The following PRH1 variants were observed in gnomAD, a reference collection of about 807,000 sequenced individuals.
PRH1 encodes the protein salivary acidic proline-rich phosphoprotein 1/2.
A neutral mutation model predicts 7.9 loss-of-function variants in PRH1; 7 were observed. The observed-to-expected ratio is 0.89, with a 90% confidence interval of 0.50 to 1.67. The LOEUF (loss-of-function observed/expected upper bound fraction) is 1.67, where lower values mean the gene tolerates loss of function less well. Ranked by LOEUF, PRH1 falls within the 40% of genes most tolerant of loss-of-function variation. The pLI, the probability that PRH1 is intolerant of heterozygous loss-of-function variation, is 0.00. For missense variants in PRH1, 109 were observed against 223.6 expected (o/e 0.49, Z 3.27); for synonymous variants, 45 against 80.8 (o/e 0.56, Z 2.38).
chr12:11,059,176 T>C (rs922256971), intron 1 of PRH1, among the ~76,000 whole-genome samples: 1 of 152,156 alleles, frequency 6.6e-6, no homozygotes, highest in African/African-American at 2.4e-5. Context: ...CTCTCTCTCA[T>C]CCCTGGACTA....
intron 2 of PRH1, among the ~76,000 whole-genome samples, chr12:10,899,280 A>AT (rs34976813): frequency 7.9e-5 from 12 of 151,776 alleles, no homozygotes; most frequent in Non-Finnish European, 1.0e-4. Context: ...GAAAGATTAC[A>AT]TTTTTTTTTA....
chr12:11,165,839 G>A (rs1322994070), intron 1 of PRH1, among the ~76,000 whole-genome samples: 1 of 152,230 alleles, frequency 6.6e-6, no homozygotes, highest in Non-Finnish European at 1.5e-5. Flanking sequence ...GATTCTCAGT[G>A]TTTGTGCTCA....
At chr12:11,058,373 G>T (rs1485766637) in intron 1 of PRH1, among the ~76,000 whole-genome samples, 1 of 152,232 alleles carries the variant, frequency 6.6e-6, no homozygotes, top group African/African-American at 2.4e-5. Context: ...TGACAACATA[G>T]GTGATGTTTT....
At position 10,990,028 on chromosome 12, in the gene PRH1, C is replaced by A. The variant is rs143545430; in HGVS notation, c.-125-16307G>T. 7.2e-3 allele frequency among the ~76,000 whole-genome samples: 1,098 copies of A among 152,152 alleles called. 10 individuals are homozygous for A. The highest frequency in any genetic ancestry group is 0.051 in the Middle Eastern group (15 of 294). Reference sequence around the variant, plus strand: ...TCAGAATAGCCAAAGTTATCCTGAGCAAAAAGAACAAAACTGGAGGAATCA... The same window carrying A: ...TCAGAATAGCCAAAGTTATCCTGAGAAAAAAGAACAAAACTGGAGGAATCA... On this transcript the variant is annotated intron_variant, in intron 1 of 3. Transcript: ENST00000539853.
chr12:10,982,292 A>C (rs1939393164), intron 1 of PRH1, among the ~76,000 whole-genome samples: 1 of 152,248 alleles, frequency 6.6e-6, no homozygotes, highest in Non-Finnish European at 1.5e-5. Flanking sequence ...CAAAAAACTC[A>C]AAAGTTCCAG....
intron 1 of PRH1, among the ~76,000 whole-genome samples, chr12:11,110,871 AG>A (rs1945570395): frequency 6.6e-6 from 1 of 152,222 alleles, no homozygotes; most frequent in Admixed American, 6.5e-5. Flanking sequence ...AATTGAATAG[AG>A]TCAAGACCCA....
At chr12:11,027,680 C>G (rs1296676506) in intron 1 of PRH1, among the ~76,000 whole-genome samples, 1 of 152,172 alleles carries the variant, frequency 6.6e-6, no homozygotes, top group Non-Finnish European at 1.5e-5. Flanking sequence ...AGACTCTGCT[C>G]CAAGCTGCTC....
intron 2 of PRH1, among the ~76,000 whole-genome samples, chr12:10,919,728 G>A (rs761040097): frequency 2.6e-5 from 4 of 151,396 alleles, no homozygotes; most frequent in African/African-American, 4.9e-5. Flanking sequence ...AGGTTCCTAT[G>A]TGATAAGAAT....
chr12:11,094,299 C>CAAAAAAAAAAAAAAAA (rs34742610), intron 1 of PRH1, among the ~76,000 whole-genome samples: 1 of 27,016 alleles, frequency 3.7e-5, no homozygotes, highest in Non-Finnish European at 7.1e-5. Context: ...AAGACTCTGT[C>CAAAAAAAAAAAAAAAA]AAAAAAAAAA....
chr12:11,098,193 T>C (rs1945118726), intron 1 of PRH1, among the ~76,000 whole-genome samples: 1 of 145,584 alleles, frequency 6.9e-6, no homozygotes, highest in Non-Finnish European at 1.5e-5. Context: ...GCTTCACCTC[T>C]CAATGTAATA....
intron 2 of PRH1, chr12:10,931,242 GT>G: frequency 7.0e-7 from 1 of 1,434,800 alleles, no homozygotes; most frequent in Non-Finnish European, 9.3e-7. Context: ...GCAAGATCTT[GT>G]TTTTAAACAA....
intron 1 of PRH1, among the ~76,000 whole-genome samples, chr12:10,977,830 A>G (rs1390350746): frequency 1.3e-5 from 2 of 152,166 alleles, no homozygotes; most frequent in African/African-American, 4.8e-5. Context: ...AATACAACAT[A>G]TAGAGGAATA....
chr12:11,133,332 T>G (rs751867059), intron 1 of PRH1: 5 of 1,613,898 alleles, frequency 3.1e-6, no homozygotes, highest in Non-Finnish European at 4.2e-6. Context: ...AGACGAAGGC[T>G]TCTGTCTTTC....
At chr12:10,919,502 A>T (rs1166092728) in intron 2 of PRH1, among the ~76,000 whole-genome samples, 2 of 152,192 alleles carry the variant, frequency 1.3e-5, no homozygotes, top group African/African-American at 4.8e-5. Flanking sequence ...TCCTCAAATT[A>T]AAGGCAGTAG....
At chr12:11,159,853 A>T (rs1231949087) in intron 1 of PRH1, among the ~76,000 whole-genome samples, 1 of 152,224 alleles carries the variant, frequency 6.6e-6, no homozygotes, top group Non-Finnish European at 1.5e-5. Context: ...TTCATGAAAA[A>T]AATAGTTTGT....
chr12:11,136,296 C>A (rs1206588237), intron 1 of PRH1, among the ~76,000 whole-genome samples: 1 of 152,170 alleles, frequency 6.6e-6, no homozygotes, highest in South Asian at 2.1e-4. Context: ...AATTTAGTCA[C>A]ATAGTTGCAA....
intron 1 of PRH1, among the ~76,000 whole-genome samples, chr12:10,883,367 T>C (rs1405865033): frequency 6.6e-6 from 1 of 152,180 alleles, no homozygotes; most frequent in Admixed American, 6.5e-5. Context: ...GAAGATACAA[T>C]AGGTCTTCTG....
In PRH1 at chr12:10,882,667, C is replaced by A; in HGVS notation, c.132G>T (p.Glu44Asp). The A allele has an allele frequency of 6.4e-7, 1 of 1,559,182 alleles. No homozygotes were observed. Among genetic ancestry groups the A allele is most frequent in the South Asian group, 1.2e-5 (1 of 81,982 alleles). Residue 44 changes from glutamate to aspartate, a missense_variant, in exon 3 of 4, where the codon GAG (glutamate) becomes GAT (aspartate). Physicochemically the swap from Glu to Asp is conservative, Grantham distance 45. Coordinates refer to ENST00000543626, the MANE Select transcript of PRH1 (RefSeq NM_001393989.1). ...CTCCCAAAGGTGGTCCCTGACGCTC[C>A]TCATCTAGGAACTGCTCAGAGTCTC... Reference protein sequence around the residue: ...DGGDSEQFLDEERQGPPLGGQ... With the variant: ...DGGDSEQFLDDERQGPPLGGQ...
At chr12:10,910,219 T>A (rs975117980) in intron 2 of PRH1, among the ~76,000 whole-genome samples, 3 of 152,156 alleles carry the variant, frequency 2.0e-5, no homozygotes, top group African/African-American at 7.2e-5. Context: ...ATACAATATA[T>A]TTTTTTCCTG....
Sources: gnomAD v4.1 joint callset for allele counts (sites outside exome capture counted in the v4.1 genomes callset) on GRCh38, gnomAD v4.1.1 for gene constraint, MANE v1.5 for transcripts, NCBI Gene and HGNC (gene_info 2026-07-23, HGNC 2026-07-21) for gene names.